Variants in NLRP7 observed in about 807,000 individuals in gnomAD.
The protein encoded by NLRP7 is NACHT, LRR and PYD domains-containing protein 7.
NLRP7 carries 72 observed loss-of-function variants against 85.5 expected under a neutral mutation model. The observed-to-expected ratio is 0.84, with a 90% CI of 0.70 to 1.02. The LOEUF is 1.02. Among genes scored for constraint, NLRP7 ranks in the 50% least tolerant of loss-of-function variants. The probability of loss-of-function intolerance (pLI) is 0.00; values close to 1 mark genes in which losing one functional copy is unlikely to be tolerated. For missense variants in NLRP7, 1,243 were observed against 1,219.5 expected (o/e 1.02, Z -0.29); for synonymous variants, 550 against 505.2 (o/e 1.09, Z -1.19).
At chr19:54,925,277 G>A (rs963756312) in intron 9 of NLRP7, among the ~76,000 whole-genome samples, 1 of 152,028 alleles carries the variant, frequency 6.6e-6, no homozygotes, top group Non-Finnish European at 1.5e-5. Flanking sequence ...TACAGACCTC[G>A]GTCCCACCAA....
At chr19:54,962,517 C>T (rs186122161) in intron 1 of NLRP7, among the ~76,000 whole-genome samples, 8 of 151,708 alleles carry the variant, frequency 5.3e-5, no homozygotes, top group African/African-American at 1.4e-4. Flanking sequence ...GTGATCCACC[C>T]GCCTCGGCCT....
At chr19:54,962,386 G>T (rs905223291) in intron 1 of NLRP7, among the ~76,000 whole-genome samples, 14 of 148,946 alleles carry the variant, frequency 9.4e-5, no homozygotes, top group Non-Finnish European at 1.9e-4. Flanking sequence ...TCCTGCCTCA[G>T]CCTCCAGAAT....
chr19:54,930,981 C>G (rs2068652979), intron 8 of NLRP7, among the ~76,000 whole-genome samples: 1 of 149,912 alleles, frequency 6.7e-6, no homozygotes, highest in African/African-American at 2.4e-5. Flanking sequence ...TGAGATCGCG[C>G]CACTGCACTC....
chr19:54,946,735 GTT>G (rs1202851612), intron 1 of NLRP7, among the ~76,000 whole-genome samples: 1 of 151,956 alleles, frequency 6.6e-6, no homozygotes, highest in Non-Finnish European at 1.5e-5. Context: ...CCCCTCCTAG[GTT>G]TAAGCTATTC....
At chr19:54,932,501 C>T (rs1039163170) in intron 8 of NLRP7, among the ~76,000 whole-genome samples, 6 of 151,980 alleles carry the variant, frequency 3.9e-5, no homozygotes, top group African/African-American at 4.8e-5. Flanking sequence ...CAACCCTATG[C>T]AATCTCTTGA....
At chr19:54,940,387 G>T (rs1252793408) in exon 4 of NLRP7, 2 of 1,614,000 alleles carry the variant, frequency 1.2e-6, no homozygotes, top group Non-Finnish European at 1.7e-6. Flanking sequence ...CATGGAAATT[G>T]TCAATGTCTC....
At chr19:54,933,264 T>C (rs977134357) in intron 8 of NLRP7, among the ~76,000 whole-genome samples, 2 of 151,998 alleles carry the variant, frequency 1.3e-5, no homozygotes, top group Non-Finnish European at 2.9e-5. Context: ...TCCTGTCTCA[T>C]CCTCCCAAGT....
upstream of NLRP7, among the ~76,000 whole-genome samples, chr19:54,950,950 C>G (rs1412478438): frequency 6.6e-6 from 1 of 152,196 alleles, no homozygotes; most frequent in Non-Finnish European, 1.5e-5. Flanking sequence ...GTCCCTGCGG[C>G]CTTCCGCAGT....
At chr19:54,959,865 T>C (rs141022614) in intron 1 of NLRP7, among the ~76,000 whole-genome samples, 7 of 152,012 alleles carry the variant, frequency 4.6e-5, no homozygotes, top group Non-Finnish European at 7.4e-5. Flanking sequence ...TGAGCTTCTG[T>C]TGTTCCCAGC....
chr19:54,929,721 C>A (rs1209411293), intron 9 of NLRP7, among the ~76,000 whole-genome samples: 1 of 152,090 alleles, frequency 6.6e-6, no homozygotes, highest in Non-Finnish European at 1.5e-5. Flanking sequence ...TTCTCCAGGC[C>A]CTCTACCTGA....
chr19:54,941,530 G>A (rs930949107), exon 2 of NLRP7: 2 of 1,613,882 alleles, frequency 1.2e-6, no homozygotes, highest in Admixed American at 1.7e-5. Flanking sequence ...TTCTGAGGAG[G>A]TGTTGACCAG....
chr19:54,957,675 C>G (rs2146280485), intron 1 of NLRP7, among the ~76,000 whole-genome samples: 1 of 152,270 alleles, frequency 6.6e-6, no homozygotes, highest in South Asian at 2.1e-4. Context: ...GCTCAGGCAG[C>G]TAGATGAGCT....
intron 2 of NLRP7, 133 bp from the exon 3 acceptor site, chr19:54,941,138 C>CA (rs895170046): frequency 3.9e-6 from 3 of 778,112 alleles, no homozygotes; most frequent in Non-Finnish European, 6.9e-6. Flanking sequence ...CTGAGGTGGG[C>CA]GGATCACAAG....
chr19:54,939,770 A>G (rs1289364938), exon 4 of NLRP7: 1 of 1,613,696 alleles, frequency 6.2e-7, no homozygotes, highest in South Asian at 1.1e-5. Flanking sequence ...GTTGCTCCTC[A>G]TTAGCTCAAA....
Position 54,931,033 on chromosome 19 carries a change from C to A in NLRP7, c.2643-367G>T, listed in dbSNP as rs376118352. Among the ~76,000 whole-genome samples the A allele has an allele frequency of 8.3e-3, 1,261 of 152,056 alleles. 20 individuals are homozygous for A. The highest frequency in any genetic ancestry group is 0.028 in the African/African-American group (1,157 of 41,492). ...GCGAGACTCCGTCTCAAGAAAACAA[C>A]AACAACAACAAAAAGTATTTATATA... On this transcript the variant is annotated intron_variant, in intron 8 of 9. Transcript: ENST00000340844.
At position 54,940,010 on chromosome 19, in the gene NLRP7, C is replaced by T. The variant is rs144609808; in HGVS notation, c.809G>A (p.Cys270Tyr). 285 of 1,614,042 alleles carry T rather than the reference C, an allele frequency of 1.8e-4. No individual in the cohort carries two copies. The highest frequency in any genetic ancestry group is 1.8e-4 in the Non-Finnish European group (213 of 1,180,032). Residue 270 changes from cysteine to tyrosine, a missense_variant, in exon 4 of 10, where the codon TGC becomes TAC. Cys to Tyr is a radical substitution (Grantham distance 194). Coordinates refer to ENST00000340844, the Ensembl canonical transcript of NLRP7. ...CGGCTTCTTCTTCTCCCAGTCCCCGCAGATGTCCTGGATCAGCGCCCCAGG... is the reference window on the plus strand; with the variant it reads ...CGGCTTCTTCTTCTCCCAGTCCCCGTAGATGTCCTGGATCAGCGCCCCAGG...
At chr19:54,960,860 G>T (rs1369589034) in intron 1 of NLRP7, among the ~76,000 whole-genome samples, 1 of 152,028 alleles carries the variant, frequency 6.6e-6, no homozygotes, top group African/African-American at 2.4e-5. Context: ...CTCCCAAAGT[G>T]CTGGGATTAC....
intron 9 of NLRP7, 85 bp from the exon 10 acceptor site, chr19:54,927,860 G>T: frequency 8.2e-7 from 1 of 1,226,426 alleles, no homozygotes; most frequent in Non-Finnish European, 1.2e-6. Flanking sequence ...GGGAGGCCAA[G>T]GCGGGTGGAT....
chr19:54,964,291 A>G (rs1446612944), intron 1 of NLRP7, among the ~76,000 whole-genome samples: 1 of 124,032 alleles, frequency 8.1e-6, no homozygotes, highest in African/African-American at 3.2e-5. Context: ...ATCTCGGCTC[A>G]CTGCAAGCTC....
Sources: allele counts gnomAD v4.1 joint callset (sites outside exome capture counted in the v4.1 genomes callset), GRCh38; gene constraint gnomAD v4.1.1; transcripts MANE v1.5; gene names NCBI Gene and HGNC (gene_info 2026-07-23, HGNC 2026-07-21).